Variants in ATP8B3 observed in about 807,000 individuals in gnomAD.
ATP8B3 encodes ATPase phospholipid transporting 8B3.
Under a neutral mutation model 140.9 loss-of-function variants are expected in ATP8B3, and 141 were observed. That is an observed-to-expected ratio of 1.00 (90% CI 0.87 to 1.15). The LOEUF (loss-of-function observed/expected upper bound fraction) is 1.15. Ranked by LOEUF, ATP8B3 falls within the 50% of genes most tolerant of loss-of-function variation. The pLI is 0.00. For missense variants in ATP8B3, 1,874 were observed against 1,740.6 expected (o/e 1.08, Z -1.36); for synonymous variants, 765 against 714.6 (o/e 1.07, Z -1.13).
chr19:1,803,729 T>C lies in ATP8B3; in HGVS notation c.905-1084A>G, dbSNP rs1739905393. ...CTCACCAACATGGTGAAACCCCGTC[T>C]CTACTGAAAATACAAAATTAGCTGG... is the stretch of plus-strand genomic sequence containing the variant. On this transcript the variant is annotated intron_variant, in intron 10 of 28. Transcript: ENST00000310127. 1.3e-5 allele frequency among the ~76,000 whole-genome samples: 2 copies of C among 151,796 alleles called. 1 individual carries two copies. The highest frequency in any genetic ancestry group is 1.3e-4 in the Admixed American group (2 of 15,240).
Position 1,806,719 on chromosome 19 carries a change from C to G in ATP8B3, c.616-30G>C. 6.4e-7 allele frequency: 1 copy of G among 1,551,876 alleles called. No individual in the cohort carries two copies. Among genetic ancestry groups the G allele is most frequent in the East Asian group, 2.4e-5 (1 of 41,030 alleles). On this transcript the variant is annotated intron_variant, in intron 6 of 28. Transcript: ENST00000310127. This position sits in a 1 kb window ranked among gnomAD's most constrained non-coding sequence, Gnocchi z 5.6. ...GCCAGGAGGGAAAGGATCAGAGAGA[C>G]CGTCCAGCCTCTCCTGCCCCCGCCC...
At chr19:1,797,468 T>TTTTATTTATTTA (rs5826746) in intron 14 of ATP8B3, among the ~76,000 whole-genome samples, 42 of 142,532 alleles carry the variant, frequency 2.9e-4, no homozygotes, top group Non-Finnish European at 4.1e-4. Context: ...TCTTTTTTAT[T>TTTTATTTATTTA]TTTATTTATT....
intron 20 of ATP8B3, among the ~76,000 whole-genome samples, chr19:1,791,280 G>C (rs1214447377): frequency 6.6e-6 from 1 of 151,772 alleles, no homozygotes; most frequent in Non-Finnish European, 1.5e-5. Context: ...GCGCAATCAC[G>C]GCTCACTGCA....
At position 1,782,777 on chromosome 19, in the gene ATP8B3, G is replaced by C. The variant is rs578154221; in HGVS notation, c.*251C>G. The C allele has an allele frequency of 1.9e-6, 1 of 519,498 alleles. No individual in the cohort carries two copies. Among genetic ancestry groups the C allele is most frequent in the Non-Finnish European group, 3.5e-6 (1 of 288,896 alleles). 32.2% of individuals were successfully genotyped at this position (519,498 alleles called of 1,614,324 possible). ...GGTCAACAGCAACTTCTCAGGAGAA[G>C]GTGGCCTCTGCTTGGGTGACAATGA... On this transcript the variant is annotated 3_prime_UTR_variant, in exon 29 of 29. Coordinates refer to ENST00000310127, the MANE Select transcript of ATP8B3 (RefSeq NM_138813.4).
At chr19:1,796,508 G>A (rs901272904) in intron 16 of ATP8B3, among the ~76,000 whole-genome samples, 12 of 152,210 alleles carry the variant, frequency 7.9e-5, no homozygotes, top group Non-Finnish European at 1.8e-4. Context: ...TGACACGTCC[G>A]CCCTCCCGCC....
At chr19:1,789,299 C>T in intron 23 of ATP8B3, 62 bp downstream of exon 23, 3 of 1,440,068 alleles carry the variant, frequency 2.1e-6, no homozygotes, top group Non-Finnish European at 2.7e-6. Flanking sequence ...AGTCCCACCA[C>T]CGCCTCCGTC....
rs1329784566 is a variant in ATP8B3, at chr19:1,784,007, CAT to C, written c.3661-739_3661-738del. On this transcript the variant is annotated intron_variant, in intron 28 of 28. Coordinates refer to ENST00000310127, the MANE Select transcript of ATP8B3 (RefSeq NM_138813.4). ...GAACCGCTGCGCCTGGCCTTGAGCA[CAT>C]GTCCTCAAGGTGCATCCACGCTGTG... is the stretch of plus-strand genomic sequence containing the variant. Among the ~76,000 whole-genome samples, 5 of 152,150 alleles carry C rather than the reference CAT, an allele frequency of 3.3e-5. No homozygotes were observed. The South Asian group carries it at 8.3e-4, about 25-fold the overall frequency.
In ATP8B3 at chr19:1,807,889, C is replaced by G. The variant is rs2069074816; in HGVS notation, c.516+333G>C. ...CCTTCCCCCTCGCCTCTGAGGTCAG[C>G]TGGGAGGGCGGGGGCCAGGGGAGCT... On this transcript the variant is annotated intron_variant, in intron 5 of 28. Coordinates refer to ENST00000310127, the MANE Select transcript of ATP8B3 (RefSeq NM_138813.4). The surrounding 1 kb of genome is among the most constrained non-coding windows in gnomAD (Gnocchi z 5.9). Among the ~76,000 whole-genome samples, 1 of 152,252 alleles carries G rather than the reference C, an allele frequency of 6.6e-6. No individual in the cohort carries two copies. Among genetic ancestry groups the G allele is most frequent in the Non-Finnish European group, 1.5e-5 (1 of 68,046 alleles).
At chr19:1,799,783 T>G (rs1344925849) in intron 14 of ATP8B3, 164 bp downstream of exon 14, 1 of 707,854 alleles carries the variant, frequency 1.4e-6, no homozygotes, top group East Asian at 2.7e-5. Flanking sequence ...AAAAAAATTT[T>G]CCTGGCCCCC....
intron 5 of ATP8B3, 29 bp downstream of exon 5, chr19:1,808,193 G>C (rs563411921): frequency 9.0e-6 from 14 of 1,548,706 alleles, no homozygotes; most frequent in Admixed American, 1.7e-5. Context: ...GGCTAGGGGG[G>C]ACTTCCTGGA....
At chr19:1,810,840 A>G (rs2145213138) in intron 2 of ATP8B3, among the ~76,000 whole-genome samples, 157 bp from the exon 3 acceptor site, 1 of 152,228 alleles carries the variant, frequency 6.6e-6, no homozygotes, top group African/African-American at 2.4e-5. Flanking sequence ...ATGTCCAGCC[A>G]TAGGCTGTGT....
At chr19:1,784,688 T>C (rs893842211) in intron 28 of ATP8B3, 131 bp downstream of exon 28, 2 of 1,279,000 alleles carry the variant, frequency 1.6e-6, no homozygotes, top group Non-Finnish European at 2.1e-6. Context: ...GCACCCACCC[T>C]TCCCCCAAGC....
intron 22 of ATP8B3, 25 bp from the exon 23 acceptor site, chr19:1,789,752 C>A (rs2068432526): frequency 1.9e-6 from 3 of 1,541,754 alleles, no homozygotes; most frequent in Non-Finnish European, 2.6e-6. Context: ...GGGGGCTGTG[C>A]CAGGCGCCGT....
chr19:1,787,615 G>C (rs1474978164), intron 24 of ATP8B3, among the ~76,000 whole-genome samples: 3 of 151,788 alleles, frequency 2.0e-5, no homozygotes, highest in Non-Finnish European at 2.9e-5. Context: ...TGTAATCCCA[G>C]CTACTTGGGA....
chr19:1,810,714 A>T, intron 2 of ATP8B3, 31 bp from the exon 3 acceptor site: 1 of 1,600,800 alleles, frequency 6.2e-7, no homozygotes, highest in South Asian at 1.1e-5. Context: ...GGGTCACAGC[A>T]GTGACCCCAG....
intron 4 of ATP8B3, 73 bp from the exon 5 acceptor site, chr19:1,808,408 G>A (rs906810513): frequency 8.8e-7 from 1 of 1,136,546 alleles, no homozygotes; most frequent in Non-Finnish European, 1.3e-6. Flanking sequence ...CCCGAGGCCA[G>A]ACCTGCCTCA....
chr19:1,795,011 C>A (rs761618639), intron 18 of ATP8B3, among the ~76,000 whole-genome samples: 14 of 152,020 alleles, frequency 9.2e-5, no homozygotes, highest in Non-Finnish European at 1.9e-4. Context: ...AATCCCAGCA[C>A]TTTGAGAGGG....
intron 11 of ATP8B3, 52 bp downstream of exon 11, chr19:1,802,435 A>T: frequency 8.9e-7 from 1 of 1,121,064 alleles, no homozygotes; most frequent in Non-Finnish European, 1.2e-6. Context: ...ACATCCATCT[A>T]CCACGCTCCC....
At chr19:1,785,751 G>GGCCCCCC in intron 25 of ATP8B3, 43 bp from the exon 26 acceptor site, 1 of 1,049,728 alleles carries the variant, frequency 9.5e-7, no homozygotes, top group Non-Finnish European at 1.4e-6. Context: ...GGGGGGCGGG[G>GGCCCCCC]GACACCCAAC....
Sources: allele counts gnomAD v4.1 joint callset (sites outside exome capture counted in the v4.1 genomes callset), GRCh38; gene constraint gnomAD v4.1.1; non-coding constraint Gnocchi (gnomAD v3.1); transcripts MANE v1.5; gene names NCBI Gene and HGNC (gene_info 2026-07-23, HGNC 2026-07-21).